The following KCND3 variants were observed in gnomAD, a reference collection of about 807,000 sequenced individuals.
KCND3 encodes A-type voltage-gated potassium channel KCND3.
Under a neutral mutation model 51.1 loss-of-function variants are expected in KCND3, and 9 were observed. That is an observed-to-expected ratio of 0.18 (90% CI 0.11 to 0.31). The LOEUF is 0.31. KCND3 is among the 10% of genes least tolerant of loss of function. The pLI is 1.00. For synonymous variants in KCND3, 349 were observed against 368.0 expected (o/e 0.95, Z 0.59); for missense variants, 526 against 903.8 (o/e 0.58, Z 5.36).
chr1:111,967,633 A>G (rs1214180457), intron 2 of KCND3, among the ~76,000 whole-genome samples: 1 of 152,088 alleles, frequency 6.6e-6, no homozygotes, highest in African/African-American at 2.4e-5. Flanking sequence ...GCTTCTTTGG[A>G]GGAGAAGAAA....
intron 2 of KCND3, 114 bp from the exon 3 acceptor site, chr1:111,787,220 A>C (rs1329672973): frequency 3.6e-6 from 4 of 1,110,192 alleles, no homozygotes; most frequent in Non-Finnish European, 5.4e-6. Context: ...GCAATTGCTT[A>C]GAGTATCTAC....
rs1463398278 is a variant in KCND3 at position 111,918,072 on chromosome 1, C to T, written c.1106+63549G>A. On this transcript the variant is annotated intron_variant, in intron 2 of 7. Coordinates refer to ENST00000302127, the MANE Select transcript of KCND3 (RefSeq NM_001378969.1). ...TCCTAGAAGACTAAAACTTAAAATA[C>T]CCAAATCCAATTGTGGCACATAATA... 2.0e-5 allele frequency among the ~76,000 whole-genome samples: 3 copies of T among 152,186 alleles called. No individual in the cohort carries two copies. In the South Asian group the frequency reaches 6.2e-4, roughly 32 times the overall value.
chr1:111,950,295 C>T (rs986024696), intron 2 of KCND3, among the ~76,000 whole-genome samples: 1 of 152,186 alleles, frequency 6.6e-6, no homozygotes, highest in East Asian at 1.9e-4. Flanking sequence ...TTTGAAAATA[C>T]TGGTCGTGAC....
chr1:111,974,742 C>T (rs761177093), intron 2 of KCND3, among the ~76,000 whole-genome samples: 1 of 152,180 alleles, frequency 6.6e-6, no homozygotes. Flanking sequence ...GGAGGAATCC[C>T]GGTTGTGTTT....
intron 2 of KCND3, among the ~76,000 whole-genome samples, chr1:111,873,143 G>T (rs1206050413): frequency 1.3e-5 from 2 of 152,204 alleles, no homozygotes; most frequent in East Asian, 1.9e-4. Flanking sequence ...GTCCTGGCCT[G>T]GGCCACCTAC....
intron 2 of KCND3, among the ~76,000 whole-genome samples, chr1:111,878,511 C>T (rs1188444955): frequency 6.6e-6 from 1 of 152,192 alleles, no homozygotes; most frequent in African/African-American, 2.4e-5. Flanking sequence ...TGCTCCATTC[C>T]CCCTGGTGGG....
intron 2 of KCND3, among the ~76,000 whole-genome samples, chr1:111,877,392 C>T (rs1278143463): frequency 4.6e-5 from 7 of 152,230 alleles, no homozygotes; most frequent in Non-Finnish European, 8.8e-5. Context: ...TATGTGCACA[C>T]TAGAAGGTGG....
At chr1:111,850,435 C>G (rs1667762507) in intron 2 of KCND3, among the ~76,000 whole-genome samples, 1 of 152,228 alleles carries the variant, frequency 6.6e-6, no homozygotes, top group Admixed American at 6.5e-5. Context: ...CACAGCTGAC[C>G]CATAGGCCTC....
chr1:111,924,879 G>A (rs528830270), intron 2 of KCND3, among the ~76,000 whole-genome samples: 15 of 152,336 alleles, frequency 9.8e-5, no homozygotes, highest in African/African-American at 3.4e-4. Context: ...TGGGAGGGAA[G>A]CCAGACCCTG....
intron 2 of KCND3, among the ~76,000 whole-genome samples, chr1:111,869,617 T>C (rs1341017156): frequency 6.6e-6 from 1 of 152,192 alleles, no homozygotes; most frequent in African/African-American, 2.4e-5. Flanking sequence ...ACAGAGAACA[T>C]GCACTATGTT....
At chr1:111,782,893 T>C (rs1664445439) in intron 3 of KCND3, among the ~76,000 whole-genome samples, 2 of 152,140 alleles carry the variant, frequency 1.3e-5, no homozygotes, top group South Asian at 4.1e-4. Context: ...ATACCCAGAA[T>C]ATGAAATTTG....
At chr1:111,798,548 C>G (rs1665159887) in intron 2 of KCND3, among the ~76,000 whole-genome samples, 1 of 151,852 alleles carries the variant, frequency 6.6e-6, no homozygotes, top group South Asian at 2.1e-4. Flanking sequence ...TGCACGATGC[C>G]AAGTAGGGAC....
At chr1:111,879,993 T>C (rs1669229782) in intron 2 of KCND3, among the ~76,000 whole-genome samples, 1 of 152,188 alleles carries the variant, frequency 6.6e-6, no homozygotes, top group South Asian at 2.1e-4. Context: ...GGGATGATTA[T>C]AGTGGTAACT....
chr1:111,833,920 G>A (rs1478727377), intron 2 of KCND3, among the ~76,000 whole-genome samples: 1 of 152,196 alleles, frequency 6.6e-6, no homozygotes, highest in Non-Finnish European at 1.5e-5. Flanking sequence ...CTTATTTCAG[G>A]AGGGAGAAGG....
intron 2 of KCND3, among the ~76,000 whole-genome samples, chr1:111,886,771 C>T (rs1669589345): frequency 6.6e-6 from 1 of 152,222 alleles, no homozygotes; most frequent in Admixed American, 6.5e-5. Flanking sequence ...AGGAGGCTTA[C>T]AGAGGTTAAG....
intron 2 of KCND3, among the ~76,000 whole-genome samples, chr1:111,831,362 G>A (rs1448675010): frequency 2.0e-5 from 3 of 152,184 alleles, no homozygotes; most frequent in African/African-American, 7.2e-5. Flanking sequence ...TCTCATGATA[G>A]TGAGTGAGTT....
At chr1:111,848,100 G>A (rs1667642844) in intron 2 of KCND3, among the ~76,000 whole-genome samples, 1 of 152,244 alleles carries the variant, frequency 6.6e-6, no homozygotes, top group Non-Finnish European at 1.5e-5. Flanking sequence ...CACTGAGGGA[G>A]CTGACAGACT....
intron 2 of KCND3, among the ~76,000 whole-genome samples, chr1:111,950,456 C>A (rs1030375011): frequency 4.6e-5 from 7 of 152,174 alleles, no homozygotes; most frequent in Non-Finnish European, 7.3e-5. Context: ...AGGACCGGCA[C>A]CTGACCGTGC....
intron 2 of KCND3, among the ~76,000 whole-genome samples, chr1:111,839,313 G>C (rs1420940319): frequency 6.6e-6 from 1 of 152,208 alleles, no homozygotes; most frequent in Non-Finnish European, 1.5e-5. Flanking sequence ...TGGTGAAAAA[G>C]ATGGAAGCAA....
Sources: gnomAD v4.1 joint callset for allele counts (sites outside exome capture counted in the v4.1 genomes callset) on GRCh38, gnomAD v4.1.1 for gene constraint, MANE v1.5 for transcripts, NCBI Gene and HGNC (gene_info 2026-07-23, HGNC 2026-07-21) for gene names.